RPIA: variants seen among roughly 807,000 people sequenced by gnomAD.
The protein encoded by RPIA is ribose 5-phosphate isomerase A.
RPIA carries 29 observed loss-of-function variants against 37.8 expected under a neutral mutation model. That is an observed-to-expected ratio of 0.77 (90% CI 0.57 to 1.05). The LOEUF (loss-of-function observed/expected upper bound fraction) is 1.05. RPIA is among the 50% of genes least tolerant of loss of function. RPIA has a pLI of 0.00. For missense variants in RPIA, 385 were observed against 413.6 expected (o/e 0.93, Z 0.60); for synonymous variants, 167 against 157.0 (o/e 1.06, Z -0.48).
At chr2:88,729,634 A>G (rs191835603) in intron 4 of RPIA, among the ~76,000 whole-genome samples, 2 of 152,346 alleles carry the variant, frequency 1.3e-5, no homozygotes, top group African/African-American at 4.8e-5. Context: ...GTGCAGAGGT[A>G]TAAGAGTGAG....
intron 1 of RPIA, among the ~76,000 whole-genome samples, chr2:88,694,453 G>A (rs967717813): frequency 1.2e-4 from 18 of 152,190 alleles, no homozygotes; most frequent in African/African-American, 4.1e-4. Context: ...TTTGGTGATT[G>A]AATTACTGTA....
chr2:88,734,991 G>C (rs1673297876), intron 5 of RPIA, among the ~76,000 whole-genome samples: 1 of 152,204 alleles, frequency 6.6e-6, no homozygotes, highest in African/African-American at 2.4e-5. Context: ...TGAGCAGTTA[G>C]GGATATTATT....
intron 3 of RPIA, among the ~76,000 whole-genome samples, chr2:88,721,096 T>C (rs1027673015): frequency 3.3e-5 from 5 of 152,130 alleles, no homozygotes; most frequent in African/African-American, 1.2e-4. Flanking sequence ...ACCATCATTC[T>C]TAGCAAACTA....
chr2:88,733,805 A>G (rs1178713305), intron 4 of RPIA, among the ~76,000 whole-genome samples: 2 of 152,226 alleles, frequency 1.3e-5, no homozygotes, highest in African/African-American at 4.8e-5. Context: ...TACAATGTCC[A>G]TGCAGAGTAC....
At chr2:88,725,353 A>AC (rs962890621) in intron 3 of RPIA, among the ~76,000 whole-genome samples, 2 of 152,040 alleles carry the variant, frequency 1.3e-5, no homozygotes, top group Admixed American at 6.5e-5. Flanking sequence ...TAAAAAAAAA[A>AC]AAACAGAAAT....
At chr2:88,713,153 C>CTTTTTTTTTTTTTTTTTT (rs1175205465) in intron 3 of RPIA, among the ~76,000 whole-genome samples, 1 of 24,296 alleles carries the variant, frequency 4.1e-5, no homozygotes, top group African/African-American at 2.2e-4. Context: ...ACGAGTAGGC[C>CTTTTTTTTTTTTTTTTTT]TTTTTTTTTT....
chr2:88,744,263 C>T (rs929019356), intron 8 of RPIA, among the ~76,000 whole-genome samples: 2 of 152,138 alleles, frequency 1.3e-5, no homozygotes, highest in African/African-American at 4.8e-5. Context: ...ATTGTTGACC[C>T]AGAGATCATT....
At chr2:88,694,684 A>T (rs1676990348) in intron 1 of RPIA, among the ~76,000 whole-genome samples, 1 of 151,824 alleles carries the variant, frequency 6.6e-6, no homozygotes, top group African/African-American at 2.4e-5. Flanking sequence ...CCCTCCTTCC[A>T]CTTGCTCCTT....
Position 88,750,337 on chromosome 2 carries a change from G to T in RPIA, c.*259G>T. The stretch of plus-strand genomic sequence containing the variant: ...TAAATGAAGTAGAACTTGAGTTCAT[G>T]TTTTATATGAAATATTTACCAAAAA... On this transcript the variant is annotated 3_prime_UTR_variant, in exon 9 of 9. Coordinates refer to ENST00000283646, the MANE Select transcript of RPIA (RefSeq NM_144563.3). 2.2e-5 allele frequency: 8 copies of T among 366,398 alleles called. No homozygotes were observed. Among genetic ancestry groups the T allele is most frequent in the East Asian group, 8.8e-5 (2 of 22,822 alleles). 22.7% of individuals were successfully genotyped at this position (366,398 alleles called of 1,614,324 possible).
At chr2:88,710,421 A>G (rs1672948550) in intron 3 of RPIA, among the ~76,000 whole-genome samples, 1 of 152,194 alleles carries the variant, frequency 6.6e-6, no homozygotes, top group South Asian at 2.1e-4. Flanking sequence ...CAGTGGAAAC[A>G]TGAGACGATT....
At chr2:88,694,945 T>C (rs887145678) in intron 1 of RPIA, among the ~76,000 whole-genome samples, 15 of 142,740 alleles carry the variant, frequency 1.1e-4, no homozygotes, top group African/African-American at 3.7e-4. Flanking sequence ...CCTGGTCTTT[T>C]CCAAGAGCCA....
At chr2:88,704,605 G>A (rs1672875721) in intron 3 of RPIA, among the ~76,000 whole-genome samples, 1 of 152,062 alleles carries the variant, frequency 6.6e-6, no homozygotes, top group African/African-American at 2.4e-5. Context: ...ATTTGGGTGG[G>A]GACACAGAGC....
At chr2:88,738,577 G>A (rs964558860) in intron 8 of RPIA, among the ~76,000 whole-genome samples, 10 of 152,288 alleles carry the variant, frequency 6.6e-5, no homozygotes, top group Admixed American at 3.3e-4. Context: ...ATGTAAACCT[G>A]GGGAAATCTG....
intron 3 of RPIA, among the ~76,000 whole-genome samples, chr2:88,725,744 A>G (rs947477328): frequency 1.3e-5 from 2 of 152,160 alleles, no homozygotes; most frequent in African/African-American, 4.8e-5. Context: ...TTTGTGGGGA[A>G]CACAATTCAA....
intron 3 of RPIA, among the ~76,000 whole-genome samples, chr2:88,720,582 T>A (rs1435124437): frequency 6.7e-6 from 1 of 150,136 alleles, no homozygotes; most frequent in East Asian, 1.9e-4. Flanking sequence ...AAAAAATAAT[T>A]TAAATTATTT....
chr2:88,713,371 T>C (rs1240027419), intron 3 of RPIA, among the ~76,000 whole-genome samples: 1 of 152,004 alleles, frequency 6.6e-6, no homozygotes, highest in Non-Finnish European at 1.5e-5. Context: ...CATTTGACTC[T>C]ACAGAGCACT....
At position 88,750,206 on chromosome 2, in the gene RPIA, A is replaced by G; in HGVS notation, c.*128A>G. On this transcript the variant is annotated 3_prime_UTR_variant, in exon 9 of 9. Transcript: ENST00000283646. The stretch of plus-strand genomic sequence containing the variant: ...ACTTGTGGTGGGGGGTGGGGGGAAG[A>G]GTGGGAGGGGGAGTTAAATCCAGTC... The G allele has an allele frequency of 1.6e-6, 1 of 612,542 alleles. No homozygotes were observed. The highest frequency in any genetic ancestry group is 3.1e-6 in the Non-Finnish European group (1 of 323,480). The allele number at this position is 612,542 out of a possible 1,614,324, so 37.9% of individuals were successfully genotyped here.
intron 3 of RPIA, among the ~76,000 whole-genome samples, chr2:88,726,195 G>C (rs1294930604): frequency 6.6e-6 from 1 of 152,170 alleles, no homozygotes; most frequent in Non-Finnish European, 1.5e-5. Flanking sequence ...TCATGTGCCA[G>C]GCTTTGGTCA....
At chr2:88,699,846 T>C (rs535867802) in intron 2 of RPIA, among the ~76,000 whole-genome samples, 163 bp from the exon 3 acceptor site, 1 of 152,190 alleles carries the variant, frequency 6.6e-6, no homozygotes, top group Admixed American at 6.5e-5. Context: ...ATGTGTGAGG[T>C]ACAGTCACCA....
Sources: gnomAD v4.1 joint callset for allele counts (sites outside exome capture counted in the v4.1 genomes callset) on GRCh38, gnomAD v4.1.1 for gene constraint, MANE v1.5 for transcripts, NCBI Gene and HGNC (gene_info 2026-07-23, HGNC 2026-07-21) for gene names.